Variants in IRAG2 observed in about 807,000 individuals in gnomAD.
IRAG2 encodes the protein inositol 1,4,5-triphosphate receptor associated 2, also known as lymphoid restricted membrane protein.
Under a neutral mutation model 69.9 loss-of-function variants are expected in IRAG2, and 45 were observed. The ratio of observed to expected loss-of-function variants is 0.64; its 90% CI spans 0.51 to 0.83. The LOEUF is 0.83. Ranked by LOEUF, IRAG2 falls within the 40% of genes least tolerant of loss-of-function variation. IRAG2 has a pLI of 0.00. For missense variants in IRAG2, 520 were observed against 587.0 expected (o/e 0.89, Z 1.18); for synonymous variants, 193 against 202.4 (o/e 0.95, Z 0.40).
intron 14 of IRAG2, among the ~76,000 whole-genome samples, chr12:25,095,488 T>C (rs1008155313): frequency 6.6e-6 from 1 of 152,180 alleles, no homozygotes; most frequent in Admixed American, 6.5e-5. Context: ...ATTATAGAAA[T>C]AAATCCTACT....
intron 16 of IRAG2, 72 bp from the exon 17 acceptor site, chr12:25,102,126 G>T (rs1948789935): frequency 2.5e-6 from 3 of 1,192,640 alleles, no homozygotes; most frequent in Admixed American, 3.5e-5. Flanking sequence ...TACCTTTAAA[G>T]AATTAAGACG....
intron 14 of IRAG2, chr12:25,035,820 C>T (rs1157381776): frequency 4.0e-5 from 16 of 398,706 alleles, no homozygotes; most frequent in Admixed American, 8.8e-5. Flanking sequence ...CATGGTGTTC[C>T]GTTTTGGCTG....
intron 15 of IRAG2, among the ~76,000 whole-genome samples, chr12:25,100,671 T>C (rs1479456913): frequency 6.6e-6 from 1 of 152,214 alleles, no homozygotes; most frequent in African/African-American, 2.4e-5. Context: ...GTTTTCAGCA[T>C]GATAGATCCA....
chr12:25,099,816 G>A (rs1300184912), intron 15 of IRAG2, among the ~76,000 whole-genome samples: 1 of 151,458 alleles, frequency 6.6e-6, no homozygotes, highest in East Asian at 1.9e-4. Flanking sequence ...CCTGGCCAAC[G>A]TGGTAAAACC....
chr12:25,023,016 C>T (rs1043807098), intron 7 of IRAG2, among the ~76,000 whole-genome samples: 1 of 151,536 alleles, frequency 6.6e-6, no homozygotes, highest in African/African-American at 2.4e-5. Context: ...AGTCTGGCTA[C>T]TCGGGAGGCT....
chr12:25,000,914 A>C (rs938519874), upstream of IRAG2, among the ~76,000 whole-genome samples: 2 of 152,252 alleles, frequency 1.3e-5, no homozygotes, highest in African/African-American at 4.8e-5. Context: ...GTATTCTGGC[A>C]GATTGCAGCT....
intron 7 of IRAG2, among the ~76,000 whole-genome samples, chr12:25,022,928 C>T (rs747995787): frequency 2.6e-5 from 4 of 152,132 alleles, no homozygotes; most frequent in Admixed American, 6.5e-5. Context: ...GAGTTCGAGG[C>T]CAGCCTGGCC....
intron 17 of IRAG2, 181 bp from the exon 18 acceptor site, chr12:25,103,656 A>G: frequency 1.8e-6 from 1 of 554,916 alleles, no homozygotes; most frequent in Non-Finnish European, 3.2e-6. Context: ...TAGGTGGAAT[A>G]TAAATTGGTA....
intron 12 of IRAG2, chr12:25,033,782 T>C (rs1944686366): frequency 2.5e-6 from 1 of 397,588 alleles, no homozygotes; most frequent in Non-Finnish European, 4.4e-6. Context: ...GACCCTATAT[T>C]CTGTTGACTT....
intron 1 of IRAG2, among the ~76,000 whole-genome samples, 155 bp from the exon 2 acceptor site, chr12:25,061,437 A>C (rs1054316163): frequency 6.6e-6 from 1 of 152,214 alleles, no homozygotes; most frequent in Non-Finnish European, 1.5e-5. Context: ...AAACAGGAGG[A>C]TGGCTTCAGC....
chr12:25,099,374 T>C (rs1214414814), intron 15 of IRAG2, among the ~76,000 whole-genome samples: 1 of 152,178 alleles, frequency 6.6e-6, no homozygotes, highest in Non-Finnish European at 1.5e-5. Flanking sequence ...GCTGGGGTAA[T>C]TCTCAACACC....
intron 3 of IRAG2, among the ~76,000 whole-genome samples, chr12:25,013,849 T>G (rs1272959448): frequency 6.7e-6 from 1 of 149,042 alleles, no homozygotes; most frequent in Non-Finnish European, 1.5e-5. Context: ...ATGGTTTTAA[T>G]TTTTTGTTTT....
chr12:25,071,599 T>G (rs1946342403), intron 6 of IRAG2, among the ~76,000 whole-genome samples: 1 of 152,186 alleles, frequency 6.6e-6, no homozygotes, highest in African/African-American at 2.4e-5. Context: ...ACTTCTCTGC[T>G]TTTTACAAAG....
chr12:25,099,084 C>G (rs1948595270), intron 15 of IRAG2, among the ~76,000 whole-genome samples: 1 of 152,172 alleles, frequency 6.6e-6, no homozygotes, highest in Non-Finnish European at 1.5e-5. Context: ...TCGTGCACAT[C>G]TGATCTCCAT....
chr12:25,065,133 GAC>G (rs1348080858), intron 4 of IRAG2, among the ~76,000 whole-genome samples: 2 of 151,216 alleles, frequency 1.3e-5, no homozygotes, highest in African/African-American at 4.8e-5. Context: ...CTATGTGCCA[GAC>G]ACAGTTCTAT....
chr12:25,035,267 T>G (rs1016551292), intron 13 of IRAG2, among the ~76,000 whole-genome samples: 1 of 152,224 alleles, frequency 6.6e-6, no homozygotes, highest in African/African-American at 2.4e-5. Flanking sequence ...TCATATGGTC[T>G]TTTATGAATG....
chr12:25,081,071 A>G (rs1179058716), intron 9 of IRAG2, among the ~76,000 whole-genome samples: 1 of 152,210 alleles, frequency 6.6e-6, no homozygotes, highest in Non-Finnish European at 1.5e-5. Flanking sequence ...TTAATTTATT[A>G]ATTAGATATT....
Position 25,079,708 on chromosome 12 carries a change from G to A in IRAG2, c.189G>A (p.Ser63=), listed in dbSNP as rs747678983. Residue 63 remains serine (S), a synonymous_variant, in exon 9 of 22, where the codon TCG becomes TCA. Transcript: ENST00000556887. ...NMASCDLDRN[S]LCKKEEDTRS... Reference sequence around the variant, plus strand: ...CTTCTTGTGACCTTGACAGAAACTCGCTCTGTAAGAAAGAGGAGGATACAA... The same window carrying A: ...CTTCTTGTGACCTTGACAGAAACTCACTCTGTAAGAAAGAGGAGGATACAA... 290 of 1,613,834 alleles carry A rather than the reference G, an allele frequency of 1.8e-4. No homozygotes were observed. Among genetic ancestry groups the A allele is most frequent in the Non-Finnish European group, 2.3e-4 (273 of 1,179,956 alleles).
chr12:25,007,356 C>G (rs2139816081), intron 2 of IRAG2, among the ~76,000 whole-genome samples: 1 of 152,256 alleles, frequency 6.6e-6, no homozygotes. Flanking sequence ...TGTTAGTAGT[C>G]AAAATTTCTC....
Sources: gnomAD v4.1 joint callset for allele counts (sites outside exome capture counted in the v4.1 genomes callset) on GRCh38, gnomAD v4.1.1 for gene constraint, MANE v1.5 for transcripts, NCBI Gene and HGNC (gene_info 2026-07-23, HGNC 2026-07-21) for gene names.